Variants in WWOX observed in about 807,000 individuals in gnomAD.
WWOX encodes WW domain-containing oxidoreductase.
In WWOX, 69 loss-of-function variants were observed where a neutral mutation model predicts 46.2. That is an observed-to-expected ratio of 1.49 (90% CI 1.23 to 1.82). The LOEUF (loss-of-function observed/expected upper bound fraction) is 1.82, where lower values mean the gene tolerates loss of function less well. WWOX is among the 40% of genes most tolerant of loss of function. The probability of loss-of-function intolerance (pLI) is 0.00; values close to 1 mark genes in which losing one functional copy is unlikely to be tolerated. For missense variants in WWOX, 919 were observed against 542.6 expected, an observed-to-expected ratio of 1.69 and a Z score of -6.89; for synonymous variants, 359 against 202.6, an observed-to-expected ratio of 1.77 and a Z score of -6.56.
chr16:78,923,817 T>TTTC (rs1491012241), intron 8 of WWOX, among the ~76,000 whole-genome samples: 4 of 112,234 alleles, frequency 3.6e-5, no homozygotes, highest in African/African-American at 1.2e-4. Flanking sequence ...TTTTTTTTTT[T>TTTC]CAGACGGAGT....
intron 8 of WWOX, among the ~76,000 whole-genome samples, chr16:78,808,106 C>T (rs2051090669): frequency 6.6e-6 from 1 of 152,172 alleles, no homozygotes; most frequent in Non-Finnish European, 1.5e-5. Context: ...GGGCCTAGGC[C>T]CAAGCAACCA....
At chr16:78,702,477 C>T (rs2048245249) in intron 8 of WWOX, among the ~76,000 whole-genome samples, 2 of 149,226 alleles carry the variant, frequency 1.3e-5, no homozygotes, top group South Asian at 4.2e-4. Flanking sequence ...ATGATAAAAC[C>T]CCATCTCTAC....
intron 5 of WWOX, among the ~76,000 whole-genome samples, chr16:78,244,742 T>G (rs2037763712): frequency 6.6e-6 from 1 of 152,196 alleles, no homozygotes; most frequent in South Asian, 2.1e-4. Context: ...TACTAATTCC[T>G]GTGGAATGAA....
intron 8 of WWOX, among the ~76,000 whole-genome samples, chr16:78,983,060 C>CT: frequency 6.6e-6 from 1 of 152,144 alleles, no homozygotes; most frequent in East Asian, 1.9e-4. Flanking sequence ...CTCCTGTAGT[C>CT]TGAGTTTCTT....
intron 8 of WWOX, among the ~76,000 whole-genome samples, chr16:79,120,577 C>T (rs1039586994): frequency 6.6e-5 from 10 of 152,148 alleles, no homozygotes; most frequent in Non-Finnish European, 1.2e-4. Context: ...CATTTGCTCA[C>T]GGTGTTGGAG....
chr16:78,727,093 C>G (rs1348059417), intron 8 of WWOX, among the ~76,000 whole-genome samples: 1 of 152,106 alleles, frequency 6.6e-6, no homozygotes, highest in African/African-American at 2.4e-5. Context: ...AGAATGCATC[C>G]ATGGAATATG....
rs145163629 is a variant in WWOX at position 78,921,947 on chromosome 16, A to G, written c.1057-289661A>G. Among the ~76,000 whole-genome samples, 1,097 of 152,290 alleles carry G rather than the reference A, an allele frequency of 7.2e-3. 12 individuals carry two copies. Among genetic ancestry groups the G allele is most frequent in the African/African-American group, 0.025 (1,055 of 41,558 alleles). On this transcript the variant is annotated intron_variant, in intron 8 of 8. Transcript: ENST00000566780. ...GATACAGGTTAAAATTAGATCGGGGAAGAGACAAATGGGGCAAAGTCCAAG... is the reference window on the plus strand; with the variant it reads ...GATACAGGTTAAAATTAGATCGGGGGAGAGACAAATGGGGCAAAGTCCAAG...
chr16:78,203,777 A>ATTTTCCTCACTG (rs1360182558), intron 5 of WWOX, among the ~76,000 whole-genome samples: 3 of 152,188 alleles, frequency 2.0e-5, no homozygotes, highest in Non-Finnish European at 4.4e-5. Context: ...AGCGCGTGCT[A>ATTTTCCTCACTG]GTTATTTTCC....
chr16:78,274,194 T>A (rs2084399432), intron 5 of WWOX, among the ~76,000 whole-genome samples: 1 of 152,126 alleles, frequency 6.6e-6, no homozygotes, highest in African/African-American at 2.4e-5. Context: ...CTGATTGCAA[T>A]GAACTCCCCA....
chr16:78,990,336 C>T (rs1182917537), intron 8 of WWOX, among the ~76,000 whole-genome samples: 1 of 152,162 alleles, frequency 6.6e-6, no homozygotes, highest in Non-Finnish European at 1.5e-5. Context: ...CTGCAAGATC[C>T]TCCTTGTGCC....
chr16:78,253,474 A>G (rs2038038663), intron 5 of WWOX, among the ~76,000 whole-genome samples: 1 of 152,208 alleles, frequency 6.6e-6, no homozygotes, highest in Admixed American at 6.5e-5. Context: ...TACCCTGCTC[A>G]AGATCACTGG....
At chr16:78,627,303 G>T (rs1327724970) in intron 8 of WWOX, among the ~76,000 whole-genome samples, 2 of 152,170 alleles carry the variant, frequency 1.3e-5, no homozygotes, top group Admixed American at 1.3e-4. Flanking sequence ...TGGTCTTAAA[G>T]TCCCAAAGGG....
intron 8 of WWOX, among the ~76,000 whole-genome samples, chr16:78,685,178 G>C (rs997330531): frequency 5.3e-5 from 8 of 152,164 alleles, no homozygotes; most frequent in African/African-American, 1.7e-4. Context: ...GGAGGACTGG[G>C]AGAGATCTGT....
In WWOX at chr16:78,457,909, C is replaced by CAAAAAAAAAAAA. The variant is rs57956003; in HGVS notation, c.1056+25165_1056+25176dup. Among the ~76,000 whole-genome samples the CAAAAAAAAAAAA allele has an allele frequency of 1.9e-3, 163 of 86,940 alleles. 5 individuals carry two copies. In the East Asian group the frequency reaches 0.03, roughly 16 times the overall value. The allele number at this position is 86,940 out of a possible 152,430, so 57.0% of individuals were successfully genotyped here. ...CCAGCCTGAGCGTGAGACTCTGACTCAAAAAAAAAAAAAAAAAAATTAGCT... is the reference window on the plus strand; with the variant it reads ...CCAGCCTGAGCGTGAGACTCTGACTCAAAAAAAAAAAAAAAAAAAAAAAAAAAAAAATTAGCT... On this transcript the variant is annotated intron_variant, in intron 8 of 8. Transcript: ENST00000566780.
At chr16:78,766,769 C>A (rs1245766495) in intron 8 of WWOX, among the ~76,000 whole-genome samples, 1 of 152,190 alleles carries the variant, frequency 6.6e-6, no homozygotes, top group East Asian at 1.9e-4. Flanking sequence ...GTTTTGTGAC[C>A]TTTACTTTTT....
intron 8 of WWOX, among the ~76,000 whole-genome samples, chr16:79,158,862 T>A (rs2050431789): frequency 6.6e-6 from 1 of 152,244 alleles, no homozygotes; most frequent in Non-Finnish European, 1.5e-5. Flanking sequence ...AACTCAAGTT[T>A]GTGACAACAA....
chr16:79,199,112 G>C (rs760483080), intron 8 of WWOX, among the ~76,000 whole-genome samples: 2 of 152,078 alleles, frequency 1.3e-5, no homozygotes, highest in Non-Finnish European at 2.9e-5. Context: ...ACCCAAGCTG[G>C]AGTGCAGTGG....
chr16:78,209,481 C>A (rs945642412), intron 5 of WWOX, among the ~76,000 whole-genome samples: 16 of 152,124 alleles, frequency 1.1e-4, no homozygotes, highest in African/African-American at 3.6e-4. Flanking sequence ...AAGAAATTGT[C>A]TTAGGCCCAA....
chr16:78,184,603 C>T (rs1044400846), intron 5 of WWOX, among the ~76,000 whole-genome samples: 2 of 151,880 alleles, frequency 1.3e-5, no homozygotes, highest in Non-Finnish European at 2.9e-5. Context: ...ATTTTCTGCT[C>T]TCATTACAGA....
Sources: gnomAD v4.1 joint callset for allele counts (sites outside exome capture counted in the v4.1 genomes callset) on GRCh38, gnomAD v4.1.1 for gene constraint, MANE v1.5 for transcripts, NCBI Gene and HGNC (gene_info 2026-07-23, HGNC 2026-07-21) for gene names.